Variants in PID1 observed in about 807,000 individuals in gnomAD.
PID1 encodes PTB-containing, cubilin and LRP1-interacting protein.
PID1 carries 10 observed loss-of-function variants against 19.1 expected under a neutral mutation model. The ratio of observed to expected loss-of-function variants is 0.52; its 90% CI spans 0.32 to 0.89. The LOEUF (loss-of-function observed/expected upper bound fraction) is 0.89, where lower values mean the gene tolerates loss of function less well. PID1 is among the 40% of genes least tolerant of loss of function. The pLI, the probability that PID1 is intolerant of heterozygous loss-of-function variation, is 0.03. For synonymous variants in PID1, 130 were observed against 116.0 expected (o/e 1.12, Z -0.78); for missense variants, 248 against 285.3 (o/e 0.87, Z 0.94).
At chr2:229,059,705 G>A (rs1000268945) in intron 2 of PID1, among the ~76,000 whole-genome samples, 1 of 152,176 alleles carries the variant, frequency 6.6e-6, no homozygotes, top group Non-Finnish European at 1.5e-5. Flanking sequence ...CTTCTCATGA[G>A]AATTCTAGCA....
chr2:229,054,703 A>AGTGT lies in PID1; in HGVS notation c.178-28599_178-28596dup, dbSNP rs149214177. On this transcript the variant is annotated intron_variant, in intron 2 of 2. Transcript: ENST00000392055. ...AGCTCTAGGTAAATGACAGTAATGC[A>AGTGT]GTGTGTGTGTGTGTGTGGGGGGGGG... Among the ~76,000 whole-genome samples the AGTGT allele has an allele frequency of 3.1e-3, 137 of 44,122 alleles. 8 individuals carry two copies. Among genetic ancestry groups the AGTGT allele is most frequent in the African/African-American group, 7.5e-3 (82 of 10,898 alleles). The allele number at this position is 44,122 out of a possible 152,430, so 28.9% of individuals were successfully genotyped here. A position where few individuals can be genotyped will look rare whatever the true frequency, so the allele number is the denominator to read the frequency against.
At chr2:229,118,530 A>C (rs1284053499) in intron 2 of PID1, among the ~76,000 whole-genome samples, 2 of 152,214 alleles carry the variant, frequency 1.3e-5, no homozygotes, top group Non-Finnish European at 2.9e-5. Flanking sequence ...TCTTCTATGA[A>C]GGAAAAAGAC....
chr2:229,030,464 A>G (rs1693522603), intron 2 of PID1, among the ~76,000 whole-genome samples: 1 of 152,226 alleles, frequency 6.6e-6, no homozygotes, highest in Non-Finnish European at 1.5e-5. Context: ...GGAAAAAAGC[A>G]TACGGAGGAA....
chr2:229,209,159 C>T (rs956758139), intron 1 of PID1, among the ~76,000 whole-genome samples: 4 of 152,158 alleles, frequency 2.6e-5, no homozygotes, highest in Non-Finnish European at 5.9e-5. Context: ...TTGGGGCTTG[C>T]TACAGTTTTA....
At chr2:229,110,057 T>C (rs1283068009) in intron 2 of PID1, among the ~76,000 whole-genome samples, 1 of 152,208 alleles carries the variant, frequency 6.6e-6, no homozygotes, top group Non-Finnish European at 1.5e-5. Flanking sequence ...GGCAGATGCC[T>C]GGACTCCCAC....
intron 2 of PID1, among the ~76,000 whole-genome samples, chr2:229,097,797 T>A (rs1695000110): frequency 6.6e-6 from 1 of 152,114 alleles, no homozygotes; most frequent in Non-Finnish European, 1.5e-5. Flanking sequence ...TGATAATGAA[T>A]AGGACTTGCA....
At chr2:229,098,505 C>T (rs780615966) in intron 2 of PID1, among the ~76,000 whole-genome samples, 2 of 152,094 alleles carry the variant, frequency 1.3e-5, no homozygotes, top group East Asian at 1.9e-4. Context: ...AAGTGCCCAT[C>T]GTGTGCCCGT....
At chr2:229,106,211 T>A (rs1372497303) in intron 2 of PID1, among the ~76,000 whole-genome samples, 1 of 152,110 alleles carries the variant, frequency 6.6e-6, no homozygotes, top group Non-Finnish European at 1.5e-5. Context: ...TTGGAAAGAT[T>A]AAACAAAAAC....
At chr2:229,143,599 T>C (rs1210273063) in intron 2 of PID1, among the ~76,000 whole-genome samples, 1 of 152,090 alleles carries the variant, frequency 6.6e-6, no homozygotes, top group Non-Finnish European at 1.5e-5. Flanking sequence ...CTTTAAAGCT[T>C]GCAAAGTGTT....
chr2:229,205,631 G>A (rs1175450454), intron 1 of PID1, among the ~76,000 whole-genome samples: 2 of 152,076 alleles, frequency 1.3e-5, no homozygotes, highest in Non-Finnish European at 2.9e-5. Context: ...TCAACAAAAT[G>A]TAGAGTTACA....
At chr2:229,149,054 A>G (rs1197616803) in intron 2 of PID1, among the ~76,000 whole-genome samples, 1 of 149,982 alleles carries the variant, frequency 6.7e-6, no homozygotes, top group African/African-American at 2.4e-5. Flanking sequence ...TATATATTAT[A>G]TTAGATTCTA....
At chr2:229,068,824 G>C (rs564437964) in intron 2 of PID1, among the ~76,000 whole-genome samples, 18 of 152,304 alleles carry the variant, frequency 1.2e-4, no homozygotes, top group Admixed American at 9.8e-4. Flanking sequence ...CAGAGGTTAA[G>C]TCACTTGCCC....
chr2:229,080,795 T>C (rs1224463024), intron 2 of PID1, among the ~76,000 whole-genome samples: 2 of 152,100 alleles, frequency 1.3e-5, no homozygotes, highest in Admixed American at 1.3e-4. Flanking sequence ...AGAAAACCTC[T>C]AACAAATAGA....
At chr2:229,162,439 A>G (rs1474765244) in intron 1 of PID1, among the ~76,000 whole-genome samples, 1 of 152,190 alleles carries the variant, frequency 6.6e-6, no homozygotes, top group Non-Finnish European at 1.5e-5. Context: ...CTGGAACACT[A>G]CCCATATTTA....
At chr2:229,097,071 C>T (rs1694984233) in intron 2 of PID1, among the ~76,000 whole-genome samples, 1 of 152,106 alleles carries the variant, frequency 6.6e-6, no homozygotes, top group African/African-American at 2.4e-5. Flanking sequence ...TCCACCACTG[C>T]TACAAGATAA....
chr2:229,077,642 A>G (rs957603465), intron 2 of PID1, among the ~76,000 whole-genome samples: 1 of 152,208 alleles, frequency 6.6e-6, no homozygotes, highest in African/African-American at 2.4e-5. Context: ...TAAATAGGTA[A>G]TCCTCTCCCA....
intron 2 of PID1, among the ~76,000 whole-genome samples, chr2:229,107,462 A>G (rs1695199802): frequency 6.6e-6 from 1 of 151,204 alleles, no homozygotes; most frequent in Admixed American, 6.6e-5. Context: ...TTTCTTAAAG[A>G]GAACAGTGAG....
chr2:229,167,340 A>G (rs1406973785), intron 1 of PID1, among the ~76,000 whole-genome samples: 5 of 152,152 alleles, frequency 3.3e-5, no homozygotes, highest in Non-Finnish European at 5.9e-5. Context: ...ACCTTGACTA[A>G]GTGACCAAAA....
intron 1 of PID1, among the ~76,000 whole-genome samples, chr2:229,247,497 C>T (rs533909768): frequency 6.6e-6 from 1 of 152,278 alleles, no homozygotes; most frequent in African/African-American, 2.4e-5. Context: ...CGCAAGTGAA[C>T]TTGGAAATAG....
Sources: gnomAD v4.1 joint callset for allele counts (sites outside exome capture counted in the v4.1 genomes callset) on GRCh38, gnomAD v4.1.1 for gene constraint, MANE v1.5 for transcripts, NCBI Gene and HGNC (gene_info 2026-07-23, HGNC 2026-07-21) for gene names.